FYN: variants seen among roughly 807,000 people sequenced by gnomAD.
The protein encoded by FYN is tyrosine-protein kinase Fyn.
A neutral mutation model predicts 70.2 loss-of-function variants in FYN; 10 were observed. That is an observed-to-expected ratio of 0.14 (90% CI 0.09 to 0.24). FYN has a LOEUF of 0.24. FYN is among the 10% of genes least tolerant of loss of function. FYN has a pLI of 1.00. For synonymous variants in FYN, 236 were observed against 248.6 expected, an observed-to-expected ratio of 0.95 and a Z score of 0.48; for missense variants, 319 against 673.1, an observed-to-expected ratio of 0.47 and a Z score of 5.82.
intron 2 of FYN, among the ~76,000 whole-genome samples, chr6:111,806,212 A>G (rs1197879720): frequency 6.6e-6 from 1 of 152,136 alleles, no homozygotes; most frequent in Non-Finnish European, 1.5e-5. Context: ...CAATTGCACG[A>G]GCTTGTAACT....
chr6:111,823,696 C>A (rs117812039), intron 2 of FYN, among the ~76,000 whole-genome samples: 1 of 152,074 alleles, frequency 6.6e-6, no homozygotes, highest in Admixed American at 6.6e-5. Context: ...TTAATCCAAG[C>A]TCTTGTATCA....
chr6:111,667,789 C>T (rs779972511), intron 13 of FYN, among the ~76,000 whole-genome samples: 1 of 152,220 alleles, frequency 6.6e-6, no homozygotes. Context: ...TCCATTTGTG[C>T]AGCTTCCCAA....
intron 1 of FYN, among the ~76,000 whole-genome samples, chr6:111,851,309 A>T (rs1233971270): frequency 6.6e-6 from 1 of 152,252 alleles, no homozygotes; most frequent in Non-Finnish European, 1.5e-5. Context: ...CTCATTAAAA[A>T]GGTAATACAC....
chr6:111,719,613 G>T, intron 4 of FYN, 192 bp downstream of exon 4: 1 of 647,496 alleles, frequency 1.5e-6, no homozygotes, highest in South Asian at 2.2e-5. Context: ...TTGCAACCCT[G>T]TAGCCAAGCA....
At chr6:111,695,108 G>T (rs1377785182) in intron 10 of FYN, among the ~76,000 whole-genome samples, 3 of 152,150 alleles carry the variant, frequency 2.0e-5, no homozygotes, top group Non-Finnish European at 4.4e-5. Context: ...GTGGTCCTGG[G>T]ACCAGCAGCT....
intron 2 of FYN, among the ~76,000 whole-genome samples, chr6:111,831,010 G>C (rs116863075): frequency 0.019 from 2,908 of 152,198 alleles, 37 homozygotes; most frequent in Non-Finnish European, 0.031. Flanking sequence ...ACATATCTTT[G>C]GGTCCTTGAA....
At chr6:111,703,333 C>T (rs991585454) in intron 7 of FYN, among the ~76,000 whole-genome samples, 10 of 152,190 alleles carry the variant, frequency 6.6e-5, no homozygotes, top group African/African-American at 1.9e-4. Context: ...TTCCAACACT[C>T]CTTTCCCCCA....
At chr6:111,670,679 C>T (rs2128405852) in intron 13 of FYN, among the ~76,000 whole-genome samples, 1 of 142,232 alleles carries the variant, frequency 7.0e-6, no homozygotes, top group Middle Eastern at 3.5e-3. Flanking sequence ...AAAGGGAAGC[C>T]GTGGACGTTT....
chr6:111,714,487 G>A (rs981303176), intron 4 of FYN, 44 bp from the exon 5 acceptor site: 3 of 1,326,952 alleles, frequency 2.3e-6, no homozygotes, highest in African/African-American at 2.9e-5. Context: ...TTACACAAGG[G>A]GAAATTAATT....
intron 12 of FYN, among the ~76,000 whole-genome samples, chr6:111,683,838 C>T (rs1032714654): frequency 1.3e-5 from 2 of 152,098 alleles, no homozygotes; most frequent in African/African-American, 4.8e-5. Context: ...AAAATCAAAG[C>T]TGACCTGACC....
rs373947817 is a variant in FYN, at chr6:111,756,303, T to C, written c.-12+24263A>G. Among the ~76,000 whole-genome samples the C allele has an allele frequency of 3.5e-4, 53 of 152,042 alleles. No homozygotes were observed. The South Asian group carries it at 8.1e-3, about 23-fold the overall frequency. ...TCTAACAAGACAGAAACCTGAATAG[T>C]CTAATAACCTTTAAAAAACTGATTC... On this transcript the variant is annotated intron_variant, in intron 3 of 13. Coordinates refer to ENST00000354650, the MANE Select transcript of FYN (RefSeq NM_002037.5).
At chr6:111,822,629 T>G (rs1419571982) in intron 2 of FYN, among the ~76,000 whole-genome samples, 1 of 150,856 alleles carries the variant, frequency 6.6e-6, no homozygotes, top group Non-Finnish European at 1.5e-5. Context: ...TAAAGTATTA[T>G]ATATATATAT....
chr6:111,846,783 G>A (rs1343820389), intron 1 of FYN, among the ~76,000 whole-genome samples, 154 bp from the exon 2 acceptor site: 1 of 152,148 alleles, frequency 6.6e-6, no homozygotes, highest in African/African-American at 2.4e-5. Context: ...TTGTTGCTAA[G>A]TCACAGTTGC....
intron 8 of FYN, among the ~76,000 whole-genome samples, chr6:111,700,932 C>T (rs549198081): frequency 1.3e-5 from 2 of 151,600 alleles, no homozygotes; most frequent in Non-Finnish European, 2.9e-5. Flanking sequence ...CTAACTGATT[C>T]CATTCCACCA....
intron 2 of FYN, among the ~76,000 whole-genome samples, chr6:111,801,976 A>C (rs531070919): frequency 3.3e-5 from 5 of 152,362 alleles, no homozygotes; most frequent in African/African-American, 1.2e-4. Flanking sequence ...ACACCATCTC[A>C]GCATTCAAAA....
intron 3 of FYN, among the ~76,000 whole-genome samples, chr6:111,751,488 T>C (rs1283507782): frequency 6.7e-6 from 1 of 148,610 alleles, no homozygotes; most frequent in Non-Finnish European, 1.5e-5. Context: ...GCTGACACAG[T>C]ATAACTACAG....
chr6:111,689,757 G>A (rs1325983705), intron 12 of FYN, among the ~76,000 whole-genome samples: 1 of 152,150 alleles, frequency 6.6e-6, no homozygotes, highest in African/African-American at 2.4e-5. Flanking sequence ...GGGAAAAAAG[G>A]CTATTTGTGG....
intron 2 of FYN, chr6:111,844,777 C>T (rs892144975): frequency 1.3e-5 from 2 of 152,236 alleles, no homozygotes; most frequent in Non-Finnish European, 2.9e-5. Flanking sequence ...CTGGTCTTAC[C>T]TGGCATTCTT....
chr6:111,848,001 T>C (rs1413123117), intron 1 of FYN, among the ~76,000 whole-genome samples: 1 of 152,230 alleles, frequency 6.6e-6, no homozygotes, highest in Non-Finnish European at 1.5e-5. Flanking sequence ...ATAGATGCCT[T>C]TTCTTTTGGC....
Sources: gnomAD v4.1 joint callset for allele counts (sites outside exome capture counted in the v4.1 genomes callset) on GRCh38, gnomAD v4.1.1 for gene constraint, MANE v1.5 for transcripts, NCBI Gene and HGNC (gene_info 2026-07-23, HGNC 2026-07-21) for gene names.